Variants in VMA12 observed in about 807,000 individuals in gnomAD.
The protein encoded by VMA12 is vacuolar ATPase assembly protein VMA12.
the VMA12 span, chr17:28,357,706 G>A: frequency 2.8e-5 from 45 of 1,612,998 alleles, no homozygotes; most frequent in Admixed American, 2.3e-4. Context: ...AGCGATTGGT[G>A]CGTGCTTTGG....
At chr17:28,359,392 C>T in the VMA12 span, 13 of 1,613,904 alleles carry the variant, frequency 8.1e-6, no homozygotes, top group Admixed American at 1.7e-5. Context: ...TCACCCGCAA[C>T]GTCACTTGTC....
chr17:28,359,353 A>G, the VMA12 span: 7 of 1,613,960 alleles, frequency 4.3e-6, no homozygotes, highest in Admixed American at 3.3e-5. Context: ...AGATTAAGAT[A>G]CAGCTGGCCA....
chr17:28,359,035 G>A, the VMA12 span: 192 of 1,506,554 alleles, frequency 1.3e-4, 1 homozygote, highest in East Asian at 4.2e-3. Flanking sequence ...ACTGAGTTGG[G>A]CTTATCCATG....
chr17:28,361,201 C>T, the VMA12 span: 7 of 1,614,000 alleles, frequency 4.3e-6, no homozygotes, highest in East Asian at 4.5e-5. Flanking sequence ...TGGGTCTGGC[C>T]GAGCTGTATG....
chr17:28,362,091 A>G, the VMA12 span: 2 of 152,150 alleles, frequency 1.3e-5, no homozygotes, highest in African/African-American at 4.8e-5. Flanking sequence ...TCCTGTGACA[A>G]CACAAAGCAT....
At chr17:28,358,201 T>G in the VMA12 span, 3 of 415,468 alleles carry the variant, frequency 7.2e-6, no homozygotes, top group Non-Finnish European at 1.4e-5. Context: ...TTTCTCCACT[T>G]TAGGAATCAG....
chr17:28,361,078 T>C, the VMA12 span: 1 of 1,410,364 alleles, frequency 7.1e-7, no homozygotes, highest in Non-Finnish European at 1.0e-6. Context: ...TGGGGGGCTC[T>C]CCATCCTCAT....
the VMA12 span, chr17:28,358,170 T>C: frequency 4.2e-6 from 2 of 474,398 alleles, no homozygotes; most frequent in East Asian, 8.2e-5. Flanking sequence ...AATACAAATA[T>C]CACAGGTTTT....
At chr17:28,360,518 C>G in the VMA12 span, 1 of 1,613,910 alleles carries the variant, frequency 6.2e-7, no homozygotes, top group Non-Finnish European at 8.5e-7. Context: ...TCTTCTTTTT[C>G]TTTTTCCCAG....
the VMA12 span, among the ~76,000 whole-genome samples, chr17:28,359,880 C>T: frequency 1.3e-5 from 2 of 152,158 alleles, no homozygotes; most frequent in African/African-American, 4.8e-5. Flanking sequence ...CATTGCACTC[C>T]AGCCTGAGCA....
At chr17:28,360,795 C>T in the VMA12 span, 1 of 1,613,960 alleles carries the variant, frequency 6.2e-7, no homozygotes, top group East Asian at 2.2e-5. Flanking sequence ...GTGGTTGCTG[C>T]CTTCGTCTGC....
the VMA12 span, chr17:28,360,504 A>G: frequency 6.2e-7 from 1 of 1,613,238 alleles, no homozygotes; most frequent in South Asian, 1.1e-5. Flanking sequence ...TCTATTCTGA[A>G]TCATCTTCTT....
the VMA12 span, chr17:28,359,195 C>G: frequency 4.6e-6 from 5 of 1,080,396 alleles, no homozygotes; most frequent in African/African-American, 6.4e-5. Context: ...ACTGGAGTTA[C>G]GACTAGTATG....
chr17:28,359,036 C>T, the VMA12 span: 4 of 1,503,778 alleles, frequency 2.7e-6, no homozygotes, highest in Non-Finnish European at 3.6e-6. Flanking sequence ...CTGAGTTGGG[C>T]TTATCCATGA....
the VMA12 span, chr17:28,357,677 T>G: frequency 6.2e-7 from 1 of 1,612,382 alleles, no homozygotes; most frequent in Non-Finnish European, 8.5e-7. Flanking sequence ...AGATATGGCG[T>G]CCTCTTTGCT....
At chr17:28,360,150 G>A in the VMA12 span, 2 of 190,016 alleles carry the variant, frequency 1.1e-5, no homozygotes, top group South Asian at 9.6e-5. Flanking sequence ...TGTATTTTTA[G>A]TAGAGACCAC....
At chr17:28,361,231 A>G in the VMA12 span, 3 of 1,614,154 alleles carry the variant, frequency 1.9e-6, no homozygotes, top group Non-Finnish European at 1.7e-6. Flanking sequence ...GGGCAATGGA[A>G]GGCGAGCTGG....
chr17:28,358,812 G>T, the VMA12 span: 1 of 832,464 alleles, frequency 1.2e-6, no homozygotes. Context: ...ATGTAGAGAT[G>T]GCCCTGTTTT....
the VMA12 span, chr17:28,361,983 G>C: frequency 6.6e-6 from 1 of 152,278 alleles, no homozygotes; most frequent in East Asian, 1.9e-4. Context: ...TAGATTAGTG[G>C]TGTGATGATA....
Sources: allele counts gnomAD v4.1 joint callset (sites outside exome capture counted in the v4.1 genomes callset), GRCh38; gene constraint gnomAD v4.1.1; transcripts MANE v1.5; gene names NCBI Gene and HGNC (gene_info 2026-07-23, HGNC 2026-07-21).